MPV17: variants seen among roughly 807,000 people sequenced by gnomAD.
The protein encoded by MPV17 is MPV17, mitochondrial inner membrane protein.
MPV17 carries 31 observed loss-of-function variants against 28.6 expected under a neutral mutation model. The observed-to-expected ratio is 1.08, with a 90% CI of 0.81 to 1.46. The LOEUF is 1.46. Among genes scored for constraint, MPV17 ranks in the 40% most tolerant of loss-of-function variants. The pLI, the probability that MPV17 is intolerant of heterozygous loss-of-function variation, is 0.00. For missense variants in MPV17, 198 were observed against 216.2 expected (o/e 0.92, Z 0.53); for synonymous variants, 87 against 85.3 (o/e 1.02, Z -0.11).
At chr2:27,315,902 A>C in intron 2 of MPV17, 2 of 1,427,054 alleles carry the variant, frequency 1.4e-6, no homozygotes, top group Non-Finnish European at 1.8e-6. Context: ...AGATGAGATG[A>C]CTTGGTAAGG....
At chr2:27,314,980 T>C (rs1055822183) in intron 2 of MPV17, among the ~76,000 whole-genome samples, 1 of 152,174 alleles carries the variant, frequency 6.6e-6, no homozygotes, top group Non-Finnish European at 1.5e-5. Context: ...GTGGCTCACC[T>C]CGGCTACTGG....
At chr2:27,312,192 C>A in intron 6 of MPV17, 22 bp downstream of exon 6, 2 of 1,612,458 alleles carry the variant, frequency 1.2e-6, no homozygotes, top group Non-Finnish European at 1.7e-6. Context: ...GGAGAACAAG[C>A]AGTTGAGGTG....
At chr2:27,318,947 T>G (rs1160430387) in intron 2 of MPV17, among the ~76,000 whole-genome samples, 1 of 151,742 alleles carries the variant, frequency 6.6e-6, no homozygotes, top group Non-Finnish European at 1.5e-5. Context: ...GTATTTCTAG[T>G]GGAGACGGGG....
chr2:27,322,536 A>G lies in MPV17; in HGVS notation c.-5-14T>C, dbSNP rs1311953045. 1 of 1,612,374 alleles carries G rather than the reference A, an allele frequency of 6.2e-7. No individual in the cohort carries two copies. The highest frequency in any genetic ancestry group is 2.2e-5 in the East Asian group (1 of 44,874). On this transcript the variant is annotated splice_polypyrimidine_tract_variant and intron_variant, in intron 1 of 7. Coordinates refer to ENST00000380044, the MANE Select transcript of MPV17 (RefSeq NM_002437.5). The stretch of plus-strand genomic sequence containing the variant: ...GTGCCATGCTTCCTGTCAAGCCAAG[A>G]GGAGAGGGGGTCACCCCCACCGTCC...
At chr2:27,315,012 C>G (rs994367276) in intron 2 of MPV17, among the ~76,000 whole-genome samples, 1 of 152,206 alleles carries the variant, frequency 6.6e-6, no homozygotes, top group African/African-American at 2.4e-5. Context: ...CTCTGGGCAC[C>G]CCCAGTCCTG....
At position 27,317,154 on chromosome 2, in the gene MPV17, TGTCCTTCA is replaced by T; in HGVS notation, c.71-4053_71-4046del. Reference sequence around the variant, plus strand: ...TTCTTGGAGTGAGGAGCAGGAAGCGTGTCCTTCAGTCCAGGAGGCCTGGGTCGGCAGGT... The same window carrying T: ...TTCTTGGAGTGAGGAGCAGGAAGCGTGTCCAGGAGGCCTGGGTCGGCAGGT... On this transcript the variant is annotated intron_variant, in intron 2 of 7. Transcript: ENST00000380044. This position sits in a 1 kb window ranked among gnomAD's most constrained non-coding sequence, Gnocchi z 4.0. The T allele has an allele frequency of 1.3e-6, 2 of 1,550,238 alleles. No homozygotes were observed. The highest frequency in any genetic ancestry group is 1.7e-6 in the Non-Finnish European group (2 of 1,146,906).
At chr2:27,315,927 T>C in intron 2 of MPV17, 1 of 1,445,614 alleles carries the variant, frequency 6.9e-7, no homozygotes, top group Non-Finnish European at 9.1e-7. Context: ...CAGTTGGAAC[T>C]GAACCCAGGC....
At chr2:27,312,161 A>G (rs553828539) in intron 6 of MPV17, 53 bp downstream of exon 6, 2 of 1,589,988 alleles carry the variant, frequency 1.3e-6, no homozygotes. Context: ...ATCCCAGGAC[A>G]GTTCTAGACT....
chr2:27,311,055 TTTTTTTTTTTTTTTTTTG>T (rs1679421456), intron 7 of MPV17: 1 of 137,412 alleles, frequency 7.3e-6, no homozygotes, highest in African/African-American at 2.8e-5. Context: ...TTTTTTTTTT[TTTTTTTTTTTTTTTTTTG>T]GAGACAGGGT....
intron 1 of MPV17, 32 bp from the exon 2 acceptor site, chr2:27,322,554 C>T (rs1346470913): frequency 1.3e-6 from 2 of 1,582,626 alleles, no homozygotes; most frequent in African/African-American, 1.3e-5. Context: ...GGGTCACCCC[C>T]ACCGTCCCTC....
chr2:27,315,830 G>T, intron 2 of MPV17: 2 of 1,162,518 alleles, frequency 1.7e-6, no homozygotes, highest in East Asian at 3.8e-5. Flanking sequence ...CCAAAGTGTT[G>T]GGATTATAGG....
intron 2 of MPV17, among the ~76,000 whole-genome samples, chr2:27,316,618 A>G (rs1237503660): frequency 1.3e-5 from 2 of 152,180 alleles, no homozygotes; most frequent in Non-Finnish European, 2.9e-5. Flanking sequence ...CTCATCCCAC[A>G]TTTCCCAACC....
chr2:27,321,442 C>T (rs1009654272), intron 2 of MPV17, among the ~76,000 whole-genome samples: 2 of 152,318 alleles, frequency 1.3e-5, no homozygotes, highest in African/African-American at 4.8e-5. Flanking sequence ...TCACAGGATC[C>T]CTGTTCCACT....
At chr2:27,313,303 G>A in intron 2 of MPV17, 194 bp from the exon 3 acceptor site, 1 of 1,311,962 alleles carries the variant, frequency 7.6e-7, no homozygotes, top group South Asian at 1.4e-5. Context: ...CACCTCATGT[G>A]TATTCTGTCA....
At position 27,309,769 on chromosome 2, in the gene MPV17, G is replaced by A; in HGVS notation, c.*143C>T. 1.4e-6 allele frequency: 1 copy of A among 715,086 alleles called. No individual in the cohort carries two copies. The highest frequency in any genetic ancestry group is 2.6e-6 in the Non-Finnish European group (1 of 384,650). 44.3% of individuals were successfully genotyped at this position (715,086 alleles called of 1,614,324 possible). On this transcript the variant is annotated 3_prime_UTR_variant, in exon 8 of 8. Coordinates refer to ENST00000380044, the MANE Select transcript of MPV17 (RefSeq NM_002437.5). ...AGTGTACATTTTAGAGTGAAGAGGG[G>A]CATTGCAGGGTGCTAGTCCTCTTAA...
intron 2 of MPV17, chr2:27,316,285 C>T (rs1296684214): frequency 7.1e-7 from 1 of 1,401,860 alleles, no homozygotes; most frequent in Non-Finnish European, 9.8e-7. Context: ...AGCCAAGTCC[C>T]TGACTTCTAG....
At position 27,317,183 on chromosome 2, in the gene MPV17, C is replaced by T. The variant is rs1417006704; in HGVS notation, c.71-4074G>A. ...CTTCAGTCCAGGAGGCCTGGGTCGGCAGGTATAGCTACTGGCATGGGGCCA... is the reference window on the plus strand; with the variant it reads ...CTTCAGTCCAGGAGGCCTGGGTCGGTAGGTATAGCTACTGGCATGGGGCCA... On this transcript the variant is annotated intron_variant, in intron 2 of 7. Transcript: ENST00000380044. This position sits in a 1 kb window ranked among gnomAD's most constrained non-coding sequence, Gnocchi z 4.0. The T allele has an allele frequency of 1.3e-6, 2 of 1,550,148 alleles. No individual in the cohort carries two copies. Among genetic ancestry groups the T allele is most frequent in the African/African-American group, 2.7e-5 (2 of 72,998 alleles).
chr2:27,316,334 G>A (rs76898938), intron 2 of MPV17: 17,145 of 956,048 alleles, frequency 0.018, 238 homozygotes, highest in Non-Finnish European at 0.023. Flanking sequence ...GGAGAAAGAT[G>A]GATTCAAGTC....
At chr2:27,310,311 G>T (rs1017069299) in intron 7 of MPV17, among the ~76,000 whole-genome samples, 20 of 152,234 alleles carry the variant, frequency 1.3e-4, no homozygotes, top group Admixed American at 1.2e-3. Context: ...GGCCAGGCTG[G>T]TCTCGAACTC....
Sources: gnomAD v4.1 joint callset for allele counts (sites outside exome capture counted in the v4.1 genomes callset) on GRCh38, gnomAD v4.1.1 for gene constraint, Gnocchi (gnomAD v3.1) non-coding constraint, MANE v1.5 for transcripts, NCBI Gene and HGNC (gene_info 2026-07-23, HGNC 2026-07-21) for gene names.